Variants in PTPRN2 observed in about 807,000 individuals in gnomAD.
PTPRN2 encodes receptor-type tyrosine-protein phosphatase N2.
Under a neutral mutation model 118.8 loss-of-function variants are expected in PTPRN2, and 74 were observed. The ratio of observed to expected loss-of-function variants is 0.62; its 90% confidence interval spans 0.52 to 0.76. PTPRN2 has a LOEUF of 0.76. PTPRN2 is among the 30% of genes least tolerant of loss of function. The probability of loss-of-function intolerance (pLI) is 0.00; values close to 1 mark genes in which losing one functional copy is unlikely to be tolerated. For synonymous variants in PTPRN2, 641 were observed against 608.0 expected (o/e 1.05, Z -0.80); for missense variants, 1,481 against 1,394.4 (o/e 1.06, Z -0.99).
At chr7:158,406,044 T>A (rs1813395402) in intron 2 of PTPRN2, among the ~76,000 whole-genome samples, 1 of 133,000 alleles carries the variant, frequency 7.5e-6, no homozygotes, top group Non-Finnish European at 1.6e-5. Flanking sequence ...GGCTCATCCG[T>A]GAGACACGTG....
intron 10 of PTPRN2, among the ~76,000 whole-genome samples, chr7:158,091,689 G>C (rs1814140796): frequency 6.7e-6 from 1 of 148,818 alleles, no homozygotes; most frequent in African/African-American, 2.5e-5. Flanking sequence ...TGGGTGGATG[G>C]GTGAGGGACA....
At chr7:157,726,082 GT>G (rs1323200868) in intron 12 of PTPRN2, among the ~76,000 whole-genome samples, 34 of 116,098 alleles carry the variant, frequency 2.9e-4, no homozygotes, top group African/African-American at 7.2e-4. Context: ...GCAGAGGAGT[GT>G]GGCCAGACCC....
At chr7:158,423,628 G>C (rs1401961075) in intron 2 of PTPRN2, among the ~76,000 whole-genome samples, 2 of 152,152 alleles carry the variant, frequency 1.3e-5, no homozygotes, top group Admixed American at 6.5e-5. Flanking sequence ...CCACCTCCTA[G>C]GTTCAAGCGA....
chr7:157,665,887 G>GA (rs1224266675), intron 13 of PTPRN2, among the ~76,000 whole-genome samples: 5 of 152,154 alleles, frequency 3.3e-5, no homozygotes, highest in Non-Finnish European at 7.3e-5. Flanking sequence ...CACAAAGACA[G>GA]AAAATCAAAC....
intron 3 of PTPRN2, among the ~76,000 whole-genome samples, chr7:158,236,268 C>G (rs571748294): frequency 6.6e-6 from 1 of 152,286 alleles, no homozygotes; most frequent in South Asian, 2.1e-4. Flanking sequence ...GCCTGCCACA[C>G]AGGCAGGCAA....
intron 3 of PTPRN2, among the ~76,000 whole-genome samples, chr7:158,245,668 C>T (rs1043744929): frequency 1.8e-4 from 28 of 152,120 alleles, no homozygotes; most frequent in African/African-American, 6.3e-4. Flanking sequence ...CATCCAAATT[C>T]GCATGGATGG....
intron 11 of PTPRN2, among the ~76,000 whole-genome samples, chr7:157,980,258 G>A (rs1206529280): frequency 6.6e-6 from 1 of 152,194 alleles, no homozygotes; most frequent in Non-Finnish European, 1.5e-5. Flanking sequence ...ACACCAGAGG[G>A]TAATTCAGTA....
rs558360588 is a variant in PTPRN2 at position 157,954,771 on chromosome 7, T to C, written c.1724-56034A>G. 1.4e-3 allele frequency among the ~76,000 whole-genome samples: 217 copies of C among 152,272 alleles called. 9 individuals carry two copies. The South Asian group carries it at 0.044, about 31-fold the overall frequency. On this transcript the variant is annotated intron_variant, in intron 11 of 22. Coordinates refer to ENST00000389418, the MANE Select transcript of PTPRN2 (RefSeq NM_002847.5). ...GGGTGGCCTCTCCCATGCAGTTGAG[T>C]GTCCTGGGAGGGAAAGCACAGAAGT... is the stretch of plus-strand genomic sequence containing the variant.
rs1478655437 is a variant in PTPRN2, at chr7:158,587,129, C to G, written c.112+429G>C. Reference sequence around the variant, plus strand: ...CGCCAAGGCGCGCTCCCCACTCACTCACTGAGGCACCCCTCCCCACCCGCC... The same window carrying G: ...CGCCAAGGCGCGCTCCCCACTCACTGACTGAGGCACCCCTCCCCACCCGCC... On this transcript the variant is annotated intron_variant, in intron 1 of 22. Transcript: ENST00000389418. 3.9e-4 allele frequency among the ~76,000 whole-genome samples: 58 copies of G among 150,126 alleles called. 1 individual carries two copies. The highest frequency in any genetic ancestry group is 7.6e-4 in the Non-Finnish European group (51 of 67,372).
intron 11 of PTPRN2, among the ~76,000 whole-genome samples, chr7:158,048,867 C>T (rs978730769): frequency 9.6e-5 from 4 of 41,844 alleles, no homozygotes; most frequent in Admixed American, 3.0e-4. Context: ...ATCACTATCA[C>T]CATCACATTA....
At chr7:158,297,061 C>G (rs1192943800) in intron 3 of PTPRN2, among the ~76,000 whole-genome samples, 1 of 152,232 alleles carries the variant, frequency 6.6e-6, no homozygotes, top group Non-Finnish European at 1.5e-5. Flanking sequence ...AAACGTGCGC[C>G]TTACTAGTTC....
chr7:157,776,383 TCTC>T (rs778032545), intron 12 of PTPRN2, among the ~76,000 whole-genome samples: 9 of 49,410 alleles, frequency 1.8e-4, no homozygotes, highest in East Asian at 1.5e-3. Flanking sequence ...TCTTCCTCAC[TCTC>T]CTCCTCCTCC....
intron 3 of PTPRN2, among the ~76,000 whole-genome samples, chr7:158,308,873 T>A (rs7799231): frequency 6.6e-6 from 1 of 152,168 alleles, no homozygotes; most frequent in East Asian, 1.9e-4. Context: ...AACTAGATAA[T>A]CTAGGTGAAA....
At chr7:158,098,291 G>A (rs943224705) in intron 10 of PTPRN2, among the ~76,000 whole-genome samples, 2 of 152,210 alleles carry the variant, frequency 1.3e-5, no homozygotes, top group East Asian at 1.9e-4. Context: ...AGGATCCTGC[G>A]GGTGAGGCCA....
chr7:157,983,821 G>A (rs939334133), intron 11 of PTPRN2, among the ~76,000 whole-genome samples: 2 of 152,214 alleles, frequency 1.3e-5, no homozygotes, highest in African/African-American at 4.8e-5. Context: ...TGGACGTAAT[G>A]CAGTTCATCA....
At chr7:157,842,745 C>G (rs1286940381) in intron 12 of PTPRN2, among the ~76,000 whole-genome samples, 1 of 152,172 alleles carries the variant, frequency 6.6e-6, no homozygotes, top group Non-Finnish European at 1.5e-5. Context: ...GTCTCCGCCA[C>G]AGTGCACACC....
rs1056793245 is a variant in PTPRN2 at position 157,539,334 on chromosome 7, T to C, written c.*1380A>G. On this transcript the variant is annotated 3_prime_UTR_variant, in exon 23 of 23. Coordinates refer to ENST00000389418, the MANE Select transcript of PTPRN2 (RefSeq NM_002847.5). ...GCTCAGTAGGCCGTGTTCCCTCTGG[T>C]AGGGCCTTTGGAGAGTACCATCTAT... is the stretch of plus-strand genomic sequence containing the variant. 6.6e-6 allele frequency: 1 copy of C among 151,852 alleles called. No homozygotes were observed. Among genetic ancestry groups the C allele is most frequent in the African/African-American group, 2.4e-5 (1 of 41,112 alleles). The allele number at this position is 151,852 out of a possible 1,614,324, so 9.4% of individuals were successfully genotyped here.
In PTPRN2 at chr7:157,870,022, G is replaced by A. The variant is rs1399370171; in HGVS notation, c.1788+28651C>T. Among the ~76,000 whole-genome samples, 5 of 152,102 alleles carry A rather than the reference G, an allele frequency of 3.3e-5. No individual in the cohort carries two copies. The East Asian group carries it at 7.7e-4, about 23-fold the overall frequency. ...GTGCTTGGTCATCAGGATGGTACTG[G>A]TAAAGCCATGTTTCCTCTCCTGTTG... On this transcript the variant is annotated intron_variant, in intron 12 of 22. Coordinates refer to ENST00000389418, the MANE Select transcript of PTPRN2 (RefSeq NM_002847.5).
intron 21 of PTPRN2, among the ~76,000 whole-genome samples, chr7:157,557,234 C>T (rs1238942256): frequency 1.3e-5 from 2 of 151,216 alleles, no homozygotes; most frequent in African/African-American, 4.9e-5. Context: ...CATATGCACA[C>T]ACACACACAG....
Sources: allele counts gnomAD v4.1 joint callset (sites outside exome capture counted in the v4.1 genomes callset), GRCh38; gene constraint gnomAD v4.1.1; transcripts MANE v1.5; gene names NCBI Gene and HGNC (gene_info 2026-07-23, HGNC 2026-07-21).